HMCN1: variants seen among roughly 807,000 people sequenced by gnomAD.
The protein encoded by HMCN1 is hemicentin-1.
HMCN1 carries 321 observed loss-of-function variants against 625.9 expected under a neutral mutation model. The observed-to-expected ratio is 0.51, with a 90% CI of 0.47 to 0.56. HMCN1 has a LOEUF of 0.56. Ranked by LOEUF, HMCN1 falls within the 20% of genes least tolerant of loss-of-function variation. HMCN1 has a pLI of 0.00. For missense variants in HMCN1, 6,588 were observed against 6,887.3 expected (o/e 0.96, Z 1.54); for synonymous variants, 2,425 against 2,417.6 (o/e 1.00, Z -0.09).
intron 33 of HMCN1, 74 bp from the exon 34 acceptor site, chr1:186,018,109 G>C: frequency 7.8e-7 from 1 of 1,287,968 alleles, no homozygotes; most frequent in Non-Finnish European, 1.1e-6. Context: ...ATATACAATA[G>C]AAACTTTATA....
intron 2 of HMCN1, among the ~76,000 whole-genome samples, chr1:185,852,074 G>C (rs1414489026): frequency 6.6e-6 from 1 of 151,926 alleles, no homozygotes; most frequent in African/African-American, 2.4e-5. Context: ...GAGAATAAAT[G>C]GGTTTAAACT....
At chr1:186,029,637 C>A (rs1655290008) in intron 36 of HMCN1, among the ~76,000 whole-genome samples, 1 of 151,318 alleles carries the variant, frequency 6.6e-6, no homozygotes, top group Non-Finnish European at 1.5e-5. Context: ...CTTAGTGTAG[C>A]TGAAGTCTTT....
chr1:185,776,196 A>G (rs1267387133), intron 1 of HMCN1, among the ~76,000 whole-genome samples: 1 of 151,974 alleles, frequency 6.6e-6, no homozygotes, highest in East Asian at 1.9e-4. Flanking sequence ...AATTTTTTGT[A>G]AACTCCAGTT....
chr1:185,734,634 GAT>G lies in HMCN1; in HGVS notation c.-145_-144del, dbSNP rs1234111069. Reference sequence around the variant, plus strand: ...TCGAGTTTGGTGCTTGTCCCCGTCTGATTCTCAGCGCCAAACTTTTTGCTAGT... The same window carrying G: ...TCGAGTTTGGTGCTTGTCCCCGTCTGTCTCAGCGCCAAACTTTTTGCTAGT... On this transcript the variant is annotated 5_prime_UTR_variant, in exon 1 of 107. Transcript: ENST00000271588. The G allele has an allele frequency of 3.9e-6, 3 of 768,288 alleles. No homozygotes were observed. Among genetic ancestry groups the G allele is most frequent in the Non-Finnish European group, 6.7e-6 (3 of 450,162 alleles). The allele number at this position is 768,288 out of a possible 1,614,324, so 47.6% of individuals were successfully genotyped here.
chr1:186,068,058 C>T (rs1187981655), intron 50 of HMCN1, 51 bp downstream of exon 50: 2 of 1,457,888 alleles, frequency 1.4e-6, no homozygotes. Flanking sequence ...ATCTACTATT[C>T]TAGAAAAGCA....
At chr1:186,110,712 A>G (rs557872668) in intron 71 of HMCN1, among the ~76,000 whole-genome samples, 1 of 152,190 alleles carries the variant, frequency 6.6e-6, no homozygotes, top group East Asian at 1.9e-4. Flanking sequence ...GTTATGTTGG[A>G]TAGGGGAGGT....
At chr1:185,988,525 T>TA (rs1223020980) in intron 20 of HMCN1, among the ~76,000 whole-genome samples, 1 of 152,218 alleles carries the variant, frequency 6.6e-6, no homozygotes, top group Non-Finnish European at 1.5e-5. Flanking sequence ...GTTAGCTTTT[T>TA]AAAAAAATTA....
intron 12 of HMCN1, among the ~76,000 whole-genome samples, chr1:185,963,449 A>G (rs1650171938): frequency 6.6e-6 from 1 of 152,136 alleles, no homozygotes; most frequent in Non-Finnish European, 1.5e-5. Context: ...GCTTTGGGTG[A>G]GTTATGTAAC....
At chr1:186,165,035 G>A (rs1279518417) in intron 97 of HMCN1, 76 bp from the exon 98 acceptor site, 1 of 1,239,356 alleles carries the variant, frequency 8.1e-7, no homozygotes, top group African/African-American at 1.5e-5. Flanking sequence ...ATCTTCCCAG[G>A]GAAGATGGTA....
chr1:185,797,204 G>C (rs117059379), intron 1 of HMCN1, among the ~76,000 whole-genome samples: 151 of 152,120 alleles, frequency 9.9e-4, no homozygotes, highest in East Asian at 7.5e-3. Flanking sequence ...TTTTTTTCCT[G>C]CTGAGTTGTT....
chr1:185,988,221 CTAAT>C (rs1409724170), intron 20 of HMCN1, among the ~76,000 whole-genome samples: 1 of 152,186 alleles, frequency 6.6e-6, no homozygotes, highest in East Asian at 1.9e-4. Flanking sequence ...CTTACACAAA[CTAAT>C]TTATTCCCCT....
chr1:186,045,920 T>A, intron 41 of HMCN1, 57 bp downstream of exon 41: 2 of 1,261,400 alleles, frequency 1.6e-6, no homozygotes, highest in Non-Finnish European at 2.3e-6. Flanking sequence ...ATGGTTTTGG[T>A]ATTACCCTAT....
At chr1:185,915,018 C>T (rs953107215) in intron 6 of HMCN1, among the ~76,000 whole-genome samples, 14 of 151,942 alleles carry the variant, frequency 9.2e-5, no homozygotes, top group African/African-American at 2.9e-4. Context: ...AATACGTTTA[C>T]GATTTAAAAT....
intron 11 of HMCN1, among the ~76,000 whole-genome samples, chr1:185,955,481 G>A (rs533944359): frequency 6.6e-6 from 1 of 152,252 alleles, no homozygotes; most frequent in South Asian, 2.1e-4. Flanking sequence ...TTCCTTAAAT[G>A]GGTAACTGAA....
At chr1:185,840,529 A>T (rs1571429661) in intron 1 of HMCN1, among the ~76,000 whole-genome samples, 1 of 151,966 alleles carries the variant, frequency 6.6e-6, no homozygotes, top group Non-Finnish European at 1.5e-5. Context: ...TCATATCCCA[A>T]CTCATACCCT....
At chr1:185,843,601 C>T (rs909424546) in intron 1 of HMCN1, among the ~76,000 whole-genome samples, 3 of 152,088 alleles carry the variant, frequency 2.0e-5, no homozygotes, top group Admixed American at 2.0e-4. Flanking sequence ...AAAAGAAAGA[C>T]TGGAATGGAA....
intron 1 of HMCN1, among the ~76,000 whole-genome samples, chr1:185,827,753 A>G (rs997806757): frequency 6.6e-6 from 1 of 152,152 alleles, no homozygotes; most frequent in African/African-American, 2.4e-5. Flanking sequence ...ACTTGAATTT[A>G]CATGTTGAAA....
intron 4 of HMCN1, among the ~76,000 whole-genome samples, chr1:185,872,273 A>C (rs978730400): frequency 6.6e-6 from 1 of 152,090 alleles, no homozygotes; most frequent in Admixed American, 6.6e-5. Context: ...TTTTGTGCTA[A>C]GATTGACATG....
chr1:185,948,342 T>C (rs1668450698), intron 11 of HMCN1, among the ~76,000 whole-genome samples: 1 of 152,026 alleles, frequency 6.6e-6, no homozygotes, highest in African/African-American at 2.4e-5. Context: ...GCTGTTTATT[T>C]CACCTGGGTG....
Sources: allele counts gnomAD v4.1 joint callset (sites outside exome capture counted in the v4.1 genomes callset), GRCh38; gene constraint gnomAD v4.1.1; transcripts MANE v1.5; gene names NCBI Gene and HGNC (gene_info 2026-07-23, HGNC 2026-07-21).